The following MREG variants were observed in gnomAD, a reference collection of about 807,000 sequenced individuals.
MREG encodes the protein melanoregulin.
MREG carries 31 observed loss-of-function variants against 28.5 expected under a neutral mutation model. The observed-to-expected ratio is 1.09, with a 90% CI of 0.82 to 1.47. MREG has a LOEUF of 1.47. Among genes scored for constraint, MREG ranks in the 40% most tolerant of loss-of-function variants. The probability of loss-of-function intolerance (pLI) is 0.00; values close to 1 mark genes in which losing one functional copy is unlikely to be tolerated. For missense variants in MREG, 256 were observed against 257.4 expected (o/e 0.99, Z 0.04); for synonymous variants, 106 against 95.2 (o/e 1.11, Z -0.66).
At chr2:215,979,469 ATAAT>A (rs1253842849) in intron 2 of MREG, among the ~76,000 whole-genome samples, 805 of 51,768 alleles carry the variant, frequency 0.016, 20 homozygotes, top group African/African-American at 0.047. Flanking sequence ...ATCTCAAAAA[ATAAT>A]AATAATAATA....
At chr2:215,948,699 G>A (rs898944335) in intron 2 of MREG, among the ~76,000 whole-genome samples, 8 of 152,090 alleles carry the variant, frequency 5.3e-5, no homozygotes, top group African/African-American at 1.9e-4. Context: ...TGAGTGTCTG[G>A]GTTTGAATCC....
At chr2:215,987,427 A>G (rs777537570) in intron 2 of MREG, among the ~76,000 whole-genome samples, 4 of 152,086 alleles carry the variant, frequency 2.6e-5, no homozygotes, top group Non-Finnish European at 5.9e-5. Flanking sequence ...TTGCATTTTT[A>G]GTAAAGACCG....
In MREG at chr2:215,984,453, G is replaced by A. The variant is rs369758904; in HGVS notation, c.255+11853C>T. ...GAATTGCTGGAGCCCAGGAGGTCGA[G>A]GCTATCATGAGCTATGATTGCACCT... On this transcript the variant is annotated intron_variant, in intron 2 of 4. Transcript: ENST00000263268. 2.7e-5 allele frequency among the ~76,000 whole-genome samples: 4 copies of A among 147,600 alleles called. No homozygotes were observed. The East Asian group carries it at 5.9e-4, about 22-fold the overall frequency.
chr2:215,994,416 G>T (rs1206660730), intron 2 of MREG, among the ~76,000 whole-genome samples: 1 of 151,684 alleles, frequency 6.6e-6, no homozygotes, highest in African/African-American at 2.4e-5. Context: ...CTGTCAGGGG[G>T]TGGGGGCCTA....
At chr2:215,960,848 T>A (rs1692764014) in intron 2 of MREG, among the ~76,000 whole-genome samples, 1 of 151,690 alleles carries the variant, frequency 6.6e-6, no homozygotes, top group Admixed American at 6.6e-5. Flanking sequence ...AAATAAAAAA[T>A]AATAATAAAA....
chr2:215,940,407 A>G (rs191548847), downstream of MREG, among the ~76,000 whole-genome samples: 74 of 152,358 alleles, frequency 4.9e-4, no homozygotes, highest in Middle Eastern at 3.4e-3. Context: ...CATTAATTCA[A>G]TGGAAAGGAA....
At chr2:215,964,891 A>G (rs1489152506) in intron 2 of MREG, among the ~76,000 whole-genome samples, 1 of 37,352 alleles carries the variant, frequency 2.7e-5, no homozygotes, top group Non-Finnish European at 8.1e-5. Context: ...AGACAGACAG[A>G]TATCTCTTTT....
At chr2:216,019,508 T>C (rs1425712332) in intron 1 of MREG, among the ~76,000 whole-genome samples, 1 of 137,748 alleles carries the variant, frequency 7.3e-6, no homozygotes. Context: ...TTTTCAAACC[T>C]TTTTTTTTTT....
At chr2:215,999,644 G>A (rs1693961128) in intron 1 of MREG, among the ~76,000 whole-genome samples, 2 of 152,222 alleles carry the variant, frequency 1.3e-5, no homozygotes, top group African/African-American at 4.8e-5. Context: ...TGAGATAAAA[G>A]TAAGCGAGGT....
chr2:216,028,210 G>A (rs993524896), intron 1 of MREG, among the ~76,000 whole-genome samples: 2 of 152,020 alleles, frequency 1.3e-5, no homozygotes, highest in African/African-American at 4.8e-5. Context: ...TGTCTTTCAC[G>A]AACTTGCTCA....
chr2:216,031,488 A>G (rs920435018), intron 1 of MREG, among the ~76,000 whole-genome samples: 18 of 131,616 alleles, frequency 1.4e-4, no homozygotes, highest in Middle Eastern at 3.8e-3. Flanking sequence ...AAAGAAAGAA[A>G]GAAAGAGAAA....
At chr2:216,015,247 G>C (rs1482194179), upstream of MREG, among the ~76,000 whole-genome samples, 1 of 152,132 alleles carries the variant, frequency 6.6e-6, no homozygotes, top group Admixed American at 6.5e-5. Flanking sequence ...TTTTAAATGA[G>C]GTGGTCAGGG....
rs191980114 is a variant in MREG, at chr2:216,012,664, T to C, written c.95+569A>G. On this transcript the variant is annotated intron_variant, in intron 1 of 4. Coordinates refer to ENST00000263268, the MANE Select transcript of MREG (RefSeq NM_018000.3). ...CTCTTAGCTTATTGCTAATGAGCAT[T>C]ACATTTCCTCACACTTCATAGCTTA... 1.0e-3 allele frequency among the ~76,000 whole-genome samples: 157 copies of C among 152,346 alleles called. 1 individual carries two copies. In the Middle Eastern group the frequency reaches 0.017, roughly 17 times the overall value.
intron 1 of MREG, among the ~76,000 whole-genome samples, chr2:215,998,552 G>A (rs2106019674): frequency 6.6e-6 from 1 of 152,242 alleles, no homozygotes; most frequent in South Asian, 2.1e-4. Flanking sequence ...TATGGGGAAA[G>A]GTGCAGATGA....
chr2:215,956,456 C>T (rs1160868103), intron 2 of MREG, among the ~76,000 whole-genome samples: 1 of 151,944 alleles, frequency 6.6e-6, no homozygotes, highest in Non-Finnish European at 1.5e-5. Context: ...GTAGGTGATA[C>T]AGAAAATAAT....
At chr2:216,015,123 G>GTGCGCGCGTGCATGTGCGCGCA (rs1553556730), upstream of MREG, among the ~76,000 whole-genome samples, 1 of 147,524 alleles carries the variant, frequency 6.8e-6, no homozygotes, top group Admixed American at 6.7e-5. Context: ...GTGCACGCGT[G>GTGCGCGCGTGCATGTGCGCGCA]TGTGTGCGCG....
intron 2 of MREG, among the ~76,000 whole-genome samples, chr2:215,974,097 AG>A (rs1191560477): frequency 1.3e-5 from 2 of 151,994 alleles, no homozygotes; most frequent in Non-Finnish European, 2.9e-5. Flanking sequence ...AATTCGACAT[AG>A]CAATTATTTC....
intron 1 of MREG, among the ~76,000 whole-genome samples, chr2:216,026,319 G>A (rs1168883849): frequency 6.6e-6 from 1 of 152,116 alleles, no homozygotes; most frequent in African/African-American, 2.4e-5. Context: ...GAATGCCACT[G>A]GATCATTCAT....
chr2:215,981,753 C>T (rs1171767590), intron 2 of MREG, among the ~76,000 whole-genome samples: 1 of 152,168 alleles, frequency 6.6e-6, no homozygotes, highest in Non-Finnish European at 1.5e-5. Context: ...CCCCTCTCCT[C>T]TTACTTAAGA....
Sources: gnomAD v4.1 joint callset for allele counts (sites outside exome capture counted in the v4.1 genomes callset) on GRCh38, gnomAD v4.1.1 for gene constraint, MANE v1.5 for transcripts, NCBI Gene and HGNC (gene_info 2026-07-23, HGNC 2026-07-21) for gene names.